XKR9: variants seen among roughly 807,000 people sequenced by gnomAD.
XKR9 encodes the protein XK-related protein 9.
A neutral mutation model predicts 32.0 loss-of-function variants in XKR9; 32 were observed. The observed-to-expected ratio is 1.00, with a 90% CI of 0.76 to 1.34. The LOEUF is 1.34. Ranked by LOEUF, XKR9 falls within the 40% of genes most tolerant of loss-of-function variation. XKR9 has a pLI of 0.00. For synonymous variants in XKR9, 168 were observed against 143.4 expected (o/e 1.17, Z -1.22); for missense variants, 546 against 429.7 (o/e 1.27, Z -2.39).
chr8:70,910,916 A>G, the XKR9 span, among the ~76,000 whole-genome samples: 3 of 152,208 alleles, frequency 2.0e-5, no homozygotes, highest in Non-Finnish European at 4.4e-5. Flanking sequence ...GAAGCTACAT[A>G]TTCTTTAGCT....
At chr8:70,780,577 A>T (rs1470409847) in intron 2 of XKR9, among the ~76,000 whole-genome samples, 1 of 152,148 alleles carries the variant, frequency 6.6e-6, no homozygotes, top group Non-Finnish European at 1.5e-5. Flanking sequence ...AAAAACCCCT[A>T]GAAGCTTGAA....
chr8:71,049,076 T>C, the XKR9 span, among the ~76,000 whole-genome samples: 1 of 152,186 alleles, frequency 6.6e-6, no homozygotes, highest in Non-Finnish European at 1.5e-5. Flanking sequence ...AATATTGAGT[T>C]ATTCTTAGTA....
the XKR9 span, among the ~76,000 whole-genome samples, chr8:70,889,497 T>A: frequency 1.3e-5 from 2 of 151,864 alleles, no homozygotes; most frequent in Non-Finnish European, 2.9e-5. Context: ...GTGATTGATC[T>A]CATCACCCAG....
chr8:70,839,355 G>A, the XKR9 span, among the ~76,000 whole-genome samples: 214 of 152,240 alleles, frequency 1.4e-3, no homozygotes, highest in Non-Finnish European at 2.4e-3. Context: ...CTGAAGTCTA[G>A]TGTTTCTTTC....
At chr8:70,854,346 A>T in the XKR9 span, among the ~76,000 whole-genome samples, 1 of 152,134 alleles carries the variant, frequency 6.6e-6, no homozygotes, top group East Asian at 1.9e-4. Flanking sequence ...GTCTGTTCAT[A>T]TCCTTCGCCC....
the XKR9 span, among the ~76,000 whole-genome samples, chr8:70,814,526 G>C: frequency 6.6e-6 from 1 of 151,154 alleles, no homozygotes; most frequent in African/African-American, 2.4e-5. Flanking sequence ...AATAGACGTC[G>C]AAGAAACATT....
rs753854443 is a variant in XKR9, at chr8:70,734,222, T to G, written c.920T>G (p.Val307Gly). 37 of 1,613,204 alleles carry G rather than the reference T, an allele frequency of 2.3e-5. No homozygotes were observed. Among genetic ancestry groups the G allele is most frequent in the Non-Finnish European group, 2.8e-5 (33 of 1,179,598 alleles). Residue 307 changes from valine to glycine, a missense_variant, in exon 5 of 5, where the codon GTT becomes GGT. Transcript: ENST00000408926. Reference protein sequence around the residue: ...GTLGILTVFWVCPLTIFNPDY... With the variant: ...GTLGILTVFWGCPLTIFNPDY... ...TTGGGGATATTGACTGTATTCTGGG[T>G]TTGCCCCCTCACTATTTTTAATCCA...
the XKR9 span, among the ~76,000 whole-genome samples, chr8:70,813,928 C>T: frequency 1.3e-5 from 2 of 152,174 alleles, no homozygotes; most frequent in African/African-American, 4.8e-5. Flanking sequence ...TTTGACGCAG[C>T]AATCCCATTA....
At chr8:70,778,946 T>C (rs35434885) in intron 2 of XKR9, among the ~76,000 whole-genome samples, 60,927 of 151,244 alleles carry the variant, frequency 0.4, 13,718 homozygotes, top group Non-Finnish European at 0.52. Context: ...TTATTTCTCT[T>C]TCTTGTCTGA....
At chr8:70,849,714 A>AC in the XKR9 span, among the ~76,000 whole-genome samples, 2 of 152,148 alleles carry the variant, frequency 1.3e-5, no homozygotes, top group Non-Finnish European at 2.9e-5. Flanking sequence ...AAATAGATAG[A>AC]CCACTAGCCA....
intron 2 of XKR9, chr8:70,781,144 T>G (rs753661196): frequency 6.6e-6 from 1 of 152,138 alleles, no homozygotes; most frequent in Non-Finnish European, 1.5e-5. Flanking sequence ...AGTTTTGATT[T>G]GCATTTCTTT....
In XKR9 at chr8:70,728,481, C is replaced by A. The variant is rs1806552213; in HGVS notation, c.494-5315C>A. On this transcript the variant is annotated intron_variant, in intron 4 of 4. Coordinates refer to ENST00000408926, the MANE Select transcript of XKR9 (RefSeq NM_001011720.2). The stretch of plus-strand genomic sequence containing the variant: ...ATTGTCATTTATAGTTTTAGTACAG[C>A]ATTTAAGGGAATAGTATACTATAAG... 2.6e-5 allele frequency among the ~76,000 whole-genome samples: 4 copies of A among 152,188 alleles called. 1 individual carries two copies. In the South Asian group the frequency reaches 8.3e-4, roughly 32 times the overall value.
At chr8:70,755,490 C>G (rs1258903671) in intron 2 of XKR9, among the ~76,000 whole-genome samples, 1 of 152,062 alleles carries the variant, frequency 6.6e-6, no homozygotes, top group East Asian at 1.9e-4. Flanking sequence ...TTCACAATAG[C>G]AAAGACTTGG....
At chr8:71,037,973 G>T in the XKR9 span, among the ~76,000 whole-genome samples, 1 of 152,146 alleles carries the variant, frequency 6.6e-6, no homozygotes. Flanking sequence ...CAAAAGTTAG[G>T]TTAGTTTATT....
the XKR9 span, among the ~76,000 whole-genome samples, chr8:70,952,149 C>T: frequency 6.0e-5 from 4 of 66,550 alleles, no homozygotes; most frequent in African/African-American, 1.3e-4. Context: ...TTAAAGAAAA[C>T]CTTTACACAC....
the XKR9 span, among the ~76,000 whole-genome samples, chr8:71,017,700 A>G: frequency 0.43 from 65,859 of 152,110 alleles, 15,316 homozygotes; most frequent in Non-Finnish European, 0.53. Context: ...ACCTGAGTCT[A>G]TTCAGGTACT....
chr8:70,885,985 C>T, the XKR9 span, among the ~76,000 whole-genome samples: 1 of 152,106 alleles, frequency 6.6e-6, no homozygotes, highest in Non-Finnish European at 1.5e-5. Context: ...TGGTTTTCTG[C>T]ACCCGTCAAC....
At chr8:70,998,592 C>G in the XKR9 span, among the ~76,000 whole-genome samples, 1 of 152,186 alleles carries the variant, frequency 6.6e-6, no homozygotes, top group Non-Finnish European at 1.5e-5. Context: ...ATATGAATAA[C>G]TTTGGGTCCA....
At chr8:71,020,836 T>C in the XKR9 span, among the ~76,000 whole-genome samples, 16 of 152,316 alleles carry the variant, frequency 1.1e-4, no homozygotes, top group South Asian at 3.1e-3. Context: ...CCTACTTTGC[T>C]ATCAAACATT....
Sources: allele counts gnomAD v4.1 joint callset (sites outside exome capture counted in the v4.1 genomes callset), GRCh38; gene constraint gnomAD v4.1.1; transcripts MANE v1.5; gene names NCBI Gene and HGNC (gene_info 2026-07-23, HGNC 2026-07-21).